CCDC181: variants seen among roughly 807,000 people sequenced by gnomAD.
The protein encoded by CCDC181 is coiled-coil domain-containing protein 181.
Under a neutral mutation model 58.7 loss-of-function variants are expected in CCDC181, and 35 were observed. The ratio of observed to expected loss-of-function variants is 0.60; its 90% confidence interval spans 0.46 to 0.79. CCDC181 has a LOEUF of 0.79. CCDC181 is among the 30% of genes least tolerant of loss of function. CCDC181 has a pLI of 0.00. For missense variants in CCDC181, 517 were observed against 583.9 expected (o/e 0.89, Z 1.18); for synonymous variants, 183 against 197.5 (o/e 0.93, Z 0.62).
chr1:169,444,010 C>T (rs933348600), intron 2 of CCDC181, among the ~76,000 whole-genome samples: 7 of 152,238 alleles, frequency 4.6e-5, no homozygotes, highest in Admixed American at 1.3e-4. Flanking sequence ...AATTTATACT[C>T]AACTTATTCT....
intron 4 of CCDC181, among the ~76,000 whole-genome samples, chr1:169,416,917 A>C (rs1656240435): frequency 1.3e-5 from 2 of 152,224 alleles, no homozygotes; most frequent in Non-Finnish European, 2.9e-5. Flanking sequence ...TATAACATAT[A>C]TAATAGACAA....
At chr1:169,457,330 C>G (rs1571523478) in intron 2 of CCDC181, among the ~76,000 whole-genome samples, 1 of 151,964 alleles carries the variant, frequency 6.6e-6, no homozygotes. Context: ...GCTTCTCCTC[C>G]ATTCTATCTA....
chr1:169,446,066 T>G (rs1374240854), intron 2 of CCDC181, among the ~76,000 whole-genome samples: 1 of 152,206 alleles, frequency 6.6e-6, no homozygotes, highest in Admixed American at 6.5e-5. Context: ...TGTCATTGAT[T>G]TTCTCTATTG....
chr1:169,419,181 A>G, intron 3 of CCDC181, 22 bp from the exon 4 acceptor site: 1 of 1,534,404 alleles, frequency 6.5e-7, no homozygotes, highest in Non-Finnish European at 8.8e-7. Context: ...ATATGAAAAG[A>G]CATTAATGGA....
chr1:169,411,963 T>G (rs1161396774), intron 4 of CCDC181, among the ~76,000 whole-genome samples: 1 of 152,170 alleles, frequency 6.6e-6, no homozygotes, highest in Non-Finnish European at 1.5e-5. Flanking sequence ...CTTTGAAAAC[T>G]GGCATAAGAC....
chr1:169,459,485 G>A (rs1410656494), intron 2 of CCDC181, among the ~76,000 whole-genome samples: 1 of 152,082 alleles, frequency 6.6e-6, no homozygotes, highest in Non-Finnish European at 1.5e-5. Context: ...TTATTAAAAT[G>A]GATATAGAGA....
chr1:169,395,076 G>T lies in CCDC181; in HGVS notation c.1501C>A (p.Pro501Thr). ...QHHLYMSEAKPFRFTDHYN is the reference protein window; with the variant it reads ...QHHLYMSEAKTFRFTDHYN The stretch of plus-strand genomic sequence containing the variant: ...TTATAATGATCAGTAAAACGAAAAG[G>T]TTTGGCTTCTGACATATATAGGTGG... Residue 501 changes from proline (P) to threonine (T), a missense_variant, in exon 6 of 6, where the codon CCT becomes ACT. Pro to Thr is a conservative substitution (Grantham distance 38, BLOSUM62 -1). Transcript: ENST00000367806. 1.9e-6 allele frequency: 3 copies of T among 1,607,308 alleles called. No individual in the cohort carries two copies. Among genetic ancestry groups the T allele is most frequent in the Non-Finnish European group, 2.5e-6 (3 of 1,177,428 alleles).
chr1:169,439,765 G>A (rs1657159589), intron 2 of CCDC181, among the ~76,000 whole-genome samples: 1 of 152,104 alleles, frequency 6.6e-6, no homozygotes, highest in African/African-American at 2.4e-5. Context: ...GTGAATGCAG[G>A]GATTTTACTG....
intron 2 of CCDC181, 138 bp downstream of exon 2, chr1:169,424,673 G>A: frequency 2.0e-6 from 1 of 508,630 alleles, no homozygotes; most frequent in Non-Finnish European, 3.5e-6. Context: ...TTATCTTTAA[G>A]ATGAGGATAA....
intron 2 of CCDC181, among the ~76,000 whole-genome samples, chr1:169,453,391 T>C (rs1351578897): frequency 6.6e-6 from 1 of 152,104 alleles, no homozygotes; most frequent in African/African-American, 2.4e-5. Context: ...TCTCTTTATT[T>C]CCCAAGACCC....
At chr1:169,423,618 C>A (rs1188142696) in intron 2 of CCDC181, among the ~76,000 whole-genome samples, 2 of 151,966 alleles carry the variant, frequency 1.3e-5, no homozygotes, top group Non-Finnish European at 2.9e-5. Flanking sequence ...ATATCCCTAG[C>A]ACCTAGAACA....
rs566559855 is a variant in CCDC181, at chr1:169,457,253, T to A, written c.-24+2544A>T. ...ATATCTGGCTTGGGATACACTCTGA[T>A]TCCTGTATCTGTGGATTCATGTTTT... On this transcript the variant is annotated intron_variant, in intron 2 of 6. Transcript: ENST00000545005. 3.9e-5 allele frequency among the ~76,000 whole-genome samples: 6 copies of A among 152,314 alleles called. 1 individual carries two copies. In the South Asian group the frequency reaches 1.2e-3, roughly 32 times the overall value.
intron 4 of CCDC181, among the ~76,000 whole-genome samples, chr1:169,403,028 C>A (rs201474300): frequency 1.2e-4 from 2 of 16,808 alleles, no homozygotes; most frequent in Admixed American, 8.0e-4. Flanking sequence ...TCTGAAAAAA[C>A]CAGACTTTAA....
chr1:169,436,523 G>A (rs1657059110), intron 2 of CCDC181, among the ~76,000 whole-genome samples: 1 of 152,050 alleles, frequency 6.6e-6, no homozygotes, highest in Non-Finnish European at 1.5e-5. Flanking sequence ...CTCAAAGGTT[G>A]ACAGACTGAC....
intron 2 of CCDC181, among the ~76,000 whole-genome samples, chr1:169,457,733 G>C (rs1237709328): frequency 6.6e-6 from 1 of 151,998 alleles, no homozygotes; most frequent in Non-Finnish European, 1.5e-5. Context: ...TTTTTAAAGT[G>C]TTTTAGTGCT....
At chr1:169,410,915 C>T (rs1047073328) in intron 4 of CCDC181, among the ~76,000 whole-genome samples, 3 of 152,182 alleles carry the variant, frequency 2.0e-5, no homozygotes, top group African/African-American at 4.8e-5. Flanking sequence ...ATTTACAGCA[C>T]TAAATGCCCA....
intron 4 of CCDC181, among the ~76,000 whole-genome samples, chr1:169,402,447 C>A (rs1229303108): frequency 1.3e-5 from 2 of 152,210 alleles, no homozygotes; most frequent in East Asian, 3.8e-4. Context: ...ATCAGACTAA[C>A]AGCGGATCTC....
chr1:169,395,310 A>G (rs1654954185), intron 5 of CCDC181, 104 bp from the exon 6 acceptor site: 1 of 1,010,348 alleles, frequency 9.9e-7, no homozygotes, highest in Non-Finnish European at 1.4e-6. Flanking sequence ...TTTCTTTACA[A>G]TGAAATACTG....
chr1:169,402,502 C>T (rs1473067469), intron 4 of CCDC181, among the ~76,000 whole-genome samples: 1 of 152,124 alleles, frequency 6.6e-6, no homozygotes, highest in African/African-American at 2.4e-5. Flanking sequence ...GGCCAATATT[C>T]AACATTCTTA....
Sources: allele counts gnomAD v4.1 joint callset (sites outside exome capture counted in the v4.1 genomes callset), GRCh38; gene constraint gnomAD v4.1.1; transcripts MANE v1.5; gene names NCBI Gene and HGNC (gene_info 2026-07-23, HGNC 2026-07-21).